Variants in KIAA1217 observed in about 807,000 individuals in gnomAD.
KIAA1217 encodes sickle tail protein homolog.
A neutral mutation model predicts 163.9 loss-of-function variants in KIAA1217; 88 were observed. That is an observed-to-expected ratio of 0.54 (90% CI 0.45 to 0.64). The LOEUF (loss-of-function observed/expected upper bound fraction) is 0.64. Ranked by LOEUF, KIAA1217 falls within the 30% of genes least tolerant of loss-of-function variation. The pLI is 0.00. For synonymous variants in KIAA1217, 903 were observed against 923.1 expected, an observed-to-expected ratio of 0.98 and a Z score of 0.39; for missense variants, 2,372 against 2,475.0, an observed-to-expected ratio of 0.96 and a Z score of 0.88.
chr10:24,137,348 A>G (rs1655802689), intron 2 of KIAA1217, among the ~76,000 whole-genome samples: 1 of 152,206 alleles, frequency 6.6e-6, no homozygotes, highest in African/African-American at 2.4e-5. Flanking sequence ...CACCTGCTCC[A>G]AGCCAAATGC....
rs140373298 is a variant in KIAA1217, at chr10:24,506,976, G to C, written c.2001+5431G>C. 1.3e-3 allele frequency among the ~76,000 whole-genome samples: 194 copies of C among 152,358 alleles called. 1 individual carries two copies. The highest frequency in any genetic ancestry group is 4.3e-3 in the African/African-American group (180 of 41,584). On this transcript the variant is annotated intron_variant, in intron 9 of 20. Transcript: ENST00000376454. ...CCAGGCAGAAACTAAGTCGGGGGCT[G>C]TAAGCCAAAAAGTTCCCGAAGTTCA...
intron 5 of KIAA1217, among the ~76,000 whole-genome samples, chr10:24,464,395 C>A (rs543767452): frequency 6.6e-6 from 1 of 152,186 alleles, no homozygotes; most frequent in Non-Finnish European, 1.5e-5. Context: ...GACTTCTTCT[C>A]GCATTGAACC....
At chr10:24,417,617 G>A (rs1356924344) in intron 3 of KIAA1217, among the ~76,000 whole-genome samples, 6 of 152,124 alleles carry the variant, frequency 3.9e-5, no homozygotes, top group African/African-American at 1.4e-4. Context: ...GTGGACGGCT[G>A]GCCATTGAGA....
At chr10:23,985,056 G>A (rs769820258) in intron 1 of KIAA1217, among the ~76,000 whole-genome samples, 9 of 152,078 alleles carry the variant, frequency 5.9e-5, no homozygotes, top group Non-Finnish European at 1.3e-4. Flanking sequence ...AGCTGAACAG[G>A]CTTCTAGGAG....
At chr10:24,281,177 A>G (rs2077880316) in intron 2 of KIAA1217, among the ~76,000 whole-genome samples, 1 of 152,260 alleles carries the variant, frequency 6.6e-6, no homozygotes, top group Admixed American at 6.5e-5. Context: ...AGTCTACTCT[A>G]GTATTAGCAT....
intron 2 of KIAA1217, among the ~76,000 whole-genome samples, chr10:24,224,415 C>T (rs1340933333): frequency 6.6e-6 from 1 of 152,038 alleles, no homozygotes; most frequent in African/African-American, 2.4e-5. Context: ...TCTTGGCTCA[C>T]TGCAACCTCC....
At chr10:24,379,254 G>A (rs1321190049) in intron 2 of KIAA1217, among the ~76,000 whole-genome samples, 1 of 152,168 alleles carries the variant, frequency 6.6e-6, no homozygotes, top group Non-Finnish European at 1.5e-5. Flanking sequence ...GTGATTTAGG[G>A]ATAATTTTCC....
At chr10:24,288,291 G>C (rs1806997313) in intron 2 of KIAA1217, among the ~76,000 whole-genome samples, 1 of 152,142 alleles carries the variant, frequency 6.6e-6, no homozygotes, top group African/African-American at 2.4e-5. Flanking sequence ...CTATTTTATA[G>C]ACTAGTAAAC....
At chr10:24,338,100 C>G (rs939425411) in intron 2 of KIAA1217, among the ~76,000 whole-genome samples, 9 of 152,142 alleles carry the variant, frequency 5.9e-5, no homozygotes, top group African/African-American at 2.2e-4. Context: ...TCTCAATGTC[C>G]CACCAGCCTC....
intron 1 of KIAA1217, among the ~76,000 whole-genome samples, chr10:23,762,602 T>TTTTG (rs1834316176): frequency 6.6e-6 from 1 of 152,184 alleles, no homozygotes; most frequent in African/African-American, 2.4e-5. Flanking sequence ...AAAATAGGTA[T>TTTTG]AGATGGAATA....
rs571833641 is a variant in KIAA1217, at chr10:24,473,391, C to T, written c.1010C>T (p.Ser337Phe). ...AGAATTCCTTATGGGGGCACCCGCT[C>T]CATGGTTGTTCCTGGCAATGCCACC... Reference protein sequence around the residue: ...PSRIPYGGTRSMVVPGNATIP... With the variant: ...PSRIPYGGTRFMVVPGNATIP... Residue 337 changes from serine to phenylalanine, a missense_variant, in exon 6 of 21, where the codon TCC becomes TTC. Ser to Phe is a radical substitution (Grantham distance 155, BLOSUM62 -2). This residue lies in a region of KIAA1217 where 1,431 missense variants were observed against 1,470.3 expected (regional missense o/e 0.97). Coordinates refer to ENST00000376454, the MANE Select transcript of KIAA1217 (RefSeq NM_019590.5). 2 of 1,613,672 alleles carry T rather than the reference C, an allele frequency of 1.2e-6. No homozygotes were observed. Among genetic ancestry groups the T allele is most frequent in the East Asian group, 2.2e-5 (1 of 44,838 alleles).
Position 23,747,628 on chromosome 10 carries a change from G to A in KIAA1217, c.-321+52394G>A, listed in dbSNP as rs544647516. On this transcript the variant is annotated intron_variant, in intron 1 of 18. Coordinates refer to the KIAA1217 transcript ENST00000376462. ...AGGGATTGAGAATAGATCCCAGAGG[G>A]AGCATTCATAAATAGTGGAGGAAAT... 4.6e-5 allele frequency among the ~76,000 whole-genome samples: 7 copies of A among 152,226 alleles called. No individual in the cohort carries two copies. In the South Asian group the frequency reaches 1.5e-3, roughly 32 times the overall value.
intron 3 of KIAA1217, among the ~76,000 whole-genome samples, chr10:24,397,214 G>A (rs2055900988): frequency 6.8e-6 from 1 of 146,826 alleles, no homozygotes; most frequent in South Asian, 2.2e-4. Flanking sequence ...CTGGGTTCAA[G>A]CAATTCTCCT....
At chr10:24,247,833 A>G (rs2131424510) in intron 2 of KIAA1217, among the ~76,000 whole-genome samples, 1 of 152,320 alleles carries the variant, frequency 6.6e-6, no homozygotes, top group South Asian at 2.1e-4. Flanking sequence ...GATGTCCAAT[A>G]AATCAGAGAG....
At chr10:24,251,400 C>CAAAAAAAAAAAAAAAAAAAAGAAAAAAAA in intron 2 of KIAA1217, among the ~76,000 whole-genome samples, 1 of 90,536 alleles carries the variant, frequency 1.1e-5, no homozygotes, top group Non-Finnish European at 2.2e-5. Flanking sequence ...GACACTGTCT[C>CAAAAAAAAAAAAAAAAAAAAGAAAAAAAA]AAAAAAAAAA....
chr10:24,080,796 T>A (rs2061512959), intron 2 of KIAA1217, among the ~76,000 whole-genome samples: 1 of 148,344 alleles, frequency 6.7e-6, no homozygotes, highest in East Asian at 1.9e-4. Context: ...CTTATACTCT[T>A]ACAATATTAA....
chr10:24,050,883 C>T (rs1321167217), intron 2 of KIAA1217, among the ~76,000 whole-genome samples: 1 of 152,128 alleles, frequency 6.6e-6, no homozygotes, highest in Non-Finnish European at 1.5e-5. Context: ...TAGAACACCT[C>T]CAGGTTTCCC....
chr10:24,483,136 T>C (rs2064925693), intron 6 of KIAA1217: 1 of 152,176 alleles, frequency 6.6e-6, no homozygotes, highest in Non-Finnish European at 1.5e-5. Flanking sequence ...TGGAGAATAC[T>C]GGGTCCTAAT....
rs1201167614 is a variant in KIAA1217 at position 24,269,057 on chromosome 10, G to T, written c.354+49148G>T. The stretch of plus-strand genomic sequence containing the variant: ...GGGAATATCACACTCTGGGGACTGT[G>T]GTGGGGTGGGGGGAGGGGGGAAGGA... On this transcript the variant is annotated intron_variant, in intron 2 of 20. Transcript: ENST00000376454. Among the ~76,000 whole-genome samples, 244 of 117,210 alleles carry T rather than the reference G, an allele frequency of 2.1e-3. 1 individual carries two copies. The highest frequency in any genetic ancestry group is 7.2e-3 in the African/African-American group (221 of 30,834). 76.9% of individuals were successfully genotyped at this position (117,210 alleles called of 152,430 possible). A position where few individuals can be genotyped will look rare whatever the true frequency, so the allele number is the denominator to read the frequency against.
Sources: gnomAD v4.1 joint callset for allele counts (sites outside exome capture counted in the v4.1 genomes callset) on GRCh38, gnomAD v4.1.1 for gene constraint, gnomAD v4.1.1 regional missense constraint, MANE v1.5 for transcripts, NCBI Gene and HGNC (gene_info 2026-07-23, HGNC 2026-07-21) for gene names.